Variants in EPHA5 observed in about 807,000 individuals in gnomAD.
The protein encoded by EPHA5 is EPH receptor A5.
Under a neutral mutation model 105.0 loss-of-function variants are expected in EPHA5, and 60 were observed. That is an observed-to-expected ratio of 0.57 (90% CI 0.46 to 0.71). EPHA5 has a LOEUF of 0.71. Ranked by LOEUF, EPHA5 falls within the 30% of genes least tolerant of loss-of-function variation. EPHA5 has a pLI of 0.00. For missense variants in EPHA5, 1,218 were observed against 1,274.7 expected (o/e 0.96, Z 0.68); for synonymous variants, 513 against 449.1 (o/e 1.14, Z -1.80).
intron 3 of EPHA5, among the ~76,000 whole-genome samples, chr4:65,538,997 G>A (rs1329035762): frequency 1.3e-5 from 2 of 151,690 alleles, no homozygotes; most frequent in Non-Finnish European, 3.0e-5. Flanking sequence ...TGCTAACAGA[G>A]AGAAGTAAAT....
At chr4:65,365,649 CTATATATATATA>C (rs57048004) in intron 10 of EPHA5, among the ~76,000 whole-genome samples, 798 of 64,874 alleles carry the variant, frequency 0.012, 23 homozygotes, top group African/African-American at 0.029. Flanking sequence ...TACAAATTCA[CTATATATATATA>C]TATATATATA....
At chr4:65,401,931 G>A (rs1050856417) in intron 8 of EPHA5, among the ~76,000 whole-genome samples, 2 of 146,026 alleles carry the variant, frequency 1.4e-5, no homozygotes, top group East Asian at 2.0e-4. Flanking sequence ...GAGAGAGAGA[G>A]AAAGAGAGAG....
At chr4:65,640,581 C>T (rs575528144) in intron 2 of EPHA5, among the ~76,000 whole-genome samples, 3 of 152,232 alleles carry the variant, frequency 2.0e-5, no homozygotes, top group African/African-American at 7.2e-5. Context: ...CCACTGCGCC[C>T]GGCCAAAGTC....
In EPHA5 at chr4:65,373,778, TTTTCAAAA is replaced by T. The variant is rs373555949; in HGVS notation, c.1794-6362_1794-6355del. Among the ~76,000 whole-genome samples the T allele has an allele frequency of 2.0e-5, 3 of 152,034 alleles. No individual in the cohort carries two copies. In the East Asian group the frequency reaches 5.8e-4, roughly 30 times the overall value. ...ATAAAATAAGAATTTAACATCTCTA[TTTTCAAAA>T]TAGTGACTGCTTTTCCCTTGCCATT... On this transcript the variant is annotated intron_variant, in intron 8 of 16. Transcript: ENST00000613740.
intron 3 of EPHA5, among the ~76,000 whole-genome samples, chr4:65,593,987 T>C (rs1742929310): frequency 6.6e-6 from 1 of 152,226 alleles, no homozygotes. Context: ...CTCTGAGTTT[T>C]CACGATCGAA....
chr4:65,337,436 T>C (rs554642938), intron 14 of EPHA5, among the ~76,000 whole-genome samples: 1 of 152,162 alleles, frequency 6.6e-6, no homozygotes, highest in South Asian at 2.1e-4. Context: ...TCCATAAACT[T>C]ATTTTTTTTC....
chr4:65,474,982 A>G (rs1729650857), intron 5 of EPHA5, among the ~76,000 whole-genome samples: 1 of 152,170 alleles, frequency 6.6e-6, no homozygotes, highest in Non-Finnish European at 1.5e-5. Context: ...TTTCCATACC[A>G]TGACTAAGTG....
At chr4:65,417,242 G>GT (rs1429057908) in intron 6 of EPHA5, among the ~76,000 whole-genome samples, 1 of 152,212 alleles carries the variant, frequency 6.6e-6, no homozygotes, top group Non-Finnish European at 1.5e-5. Flanking sequence ...GCAAATGCAT[G>GT]TGCCCTGGAA....
At position 65,517,767 on chromosome 4, in the gene EPHA5, G is replaced by A. The variant is rs1734247975; in HGVS notation, c.911-22224C>T. On this transcript the variant is annotated intron_variant, in intron 3 of 16. Transcript: ENST00000613740. ...TTGCCTATACCTCACATTTATTCAAGTTGAATCTATAATTTTGTATTAGCA... is the reference window on the plus strand; with the variant it reads ...TTGCCTATACCTCACATTTATTCAAATTGAATCTATAATTTTGTATTAGCA... Among the ~76,000 whole-genome samples the A allele has an allele frequency of 2.6e-5, 4 of 151,906 alleles. No individual in the cohort carries two copies. In the South Asian group the frequency reaches 8.3e-4, roughly 32 times the overall value.
chr4:65,503,975 A>T (rs1327260299), intron 3 of EPHA5, among the ~76,000 whole-genome samples: 1 of 151,020 alleles, frequency 6.6e-6, no homozygotes, highest in Non-Finnish European at 1.5e-5. Flanking sequence ...GACCATCAGT[A>T]ACAGGTATAT....
intron 2 of EPHA5, among the ~76,000 whole-genome samples, chr4:65,626,765 C>T (rs1179689673): frequency 6.6e-6 from 1 of 152,170 alleles, no homozygotes; most frequent in African/African-American, 2.4e-5. Context: ...ATATAACTTT[C>T]TGTGGGGTTT....
intron 3 of EPHA5, among the ~76,000 whole-genome samples, chr4:65,500,083 C>T (rs1732326456): frequency 1.3e-5 from 2 of 151,006 alleles, no homozygotes; most frequent in Non-Finnish European, 3.0e-5. Flanking sequence ...TGATATTTTA[C>T]ATTTTAATCA....
chr4:65,505,758 T>C (rs766687495), intron 3 of EPHA5, among the ~76,000 whole-genome samples: 45 of 152,106 alleles, frequency 3.0e-4, no homozygotes, highest in Non-Finnish European at 5.9e-4. Context: ...GCATTTGTAA[T>C]TATTTTTTAA....
At chr4:65,454,673 A>G (rs1189006808) in intron 5 of EPHA5, among the ~76,000 whole-genome samples, 1 of 152,200 alleles carries the variant, frequency 6.6e-6, no homozygotes, top group Non-Finnish European at 1.5e-5. Context: ...TGAAACCAGT[A>G]TGTTTTGGAA....
At chr4:65,375,068 C>T (rs565076646) in intron 8 of EPHA5, among the ~76,000 whole-genome samples, 228 of 151,918 alleles carry the variant, frequency 1.5e-3, no homozygotes, top group African/African-American at 5.1e-3. Flanking sequence ...CAAAATATAG[C>T]AATAAAGCAT....
At chr4:65,387,820 C>T (rs920755640) in intron 8 of EPHA5, among the ~76,000 whole-genome samples, 5 of 150,862 alleles carry the variant, frequency 3.3e-5, no homozygotes, top group African/African-American at 9.7e-5. Flanking sequence ...ATGTCTCATT[C>T]TTTTTTTTTA....
chr4:65,625,253 C>A (rs574743325), intron 2 of EPHA5, among the ~76,000 whole-genome samples: 3 of 151,496 alleles, frequency 2.0e-5, no homozygotes, highest in Admixed American at 6.6e-5. Flanking sequence ...GAAGAGAACG[C>A]CAAGTGAAAA....
chr4:65,471,252 G>T (rs1006904998), intron 5 of EPHA5, among the ~76,000 whole-genome samples: 4 of 152,102 alleles, frequency 2.6e-5, no homozygotes, highest in Non-Finnish European at 4.4e-5. Flanking sequence ...ATAAACAAGG[G>T]CATATCTACC....
rs36206921 is a variant in EPHA5 at position 65,348,659 on chromosome 4, GATATATATATATAT to G, written c.2446-470_2446-457del. On this transcript the variant is annotated intron_variant, in intron 13 of 16. Coordinates refer to ENST00000613740, the MANE Select transcript of EPHA5 (RefSeq NM_001281766.3). ...TAATAAGAAAAGCATAAACATTGGA[GATATATATATATAT>G]ATATATATATATATATATATATATA... Among the ~76,000 whole-genome samples, 106 of 60,200 alleles carry G rather than the reference GATATATATATATAT, an allele frequency of 1.8e-3. 2 individuals are homozygous for G. In the East Asian group the frequency reaches 0.026, roughly 15 times the overall value. The allele number at this position is 60,200 out of a possible 152,430, so 39.5% of individuals were successfully genotyped here. A position where few individuals can be genotyped will look rare whatever the true frequency, so the allele number is the denominator to read the frequency against.
Sources: allele counts gnomAD v4.1 joint callset (sites outside exome capture counted in the v4.1 genomes callset), GRCh38; gene constraint gnomAD v4.1.1; transcripts MANE v1.5; gene names NCBI Gene and HGNC (gene_info 2026-07-23, HGNC 2026-07-21).